KAZN: variants seen among roughly 807,000 people sequenced by gnomAD.
The protein encoded by KAZN is kazrin.
A neutral mutation model predicts 87.4 loss-of-function variants in KAZN; 40 were observed. The ratio of observed to expected loss-of-function variants is 0.46; its 90% CI spans 0.36 to 0.60. KAZN has a LOEUF of 0.60. Ranked by LOEUF, KAZN falls within the 20% of genes least tolerant of loss-of-function variation. The pLI is 0.00. For synonymous variants in KAZN, 466 were observed against 458.3 expected, an observed-to-expected ratio of 1.02 and a Z score of -0.22; for missense variants, 898 against 1,073.9, an observed-to-expected ratio of 0.84 and a Z score of 2.29.
At chr1:14,143,919 C>T (rs1570856984) in intron 1 of KAZN, among the ~76,000 whole-genome samples, 2 of 152,068 alleles carry the variant, frequency 1.3e-5, no homozygotes. Flanking sequence ...GGTATTACCA[C>T]GTTGGCCAGG....
chr1:14,895,317 TG>T (rs1277772626), intron 1 of KAZN, among the ~76,000 whole-genome samples: 1 of 152,260 alleles, frequency 6.6e-6, no homozygotes, highest in Non-Finnish European at 1.5e-5. Context: ...TGGGCAACTC[TG>T]CCAGCCAGGA....
chr1:14,443,900 A>G (rs1330509133), intron 2 of KAZN, among the ~76,000 whole-genome samples: 2 of 152,192 alleles, frequency 1.3e-5, no homozygotes, highest in Non-Finnish European at 2.9e-5. Flanking sequence ...GGCTTCGACT[A>G]TCCTTCAAGT....
intron 1 of KAZN, among the ~76,000 whole-genome samples, chr1:14,671,425 C>T (rs771176143): frequency 2.0e-5 from 3 of 152,170 alleles, no homozygotes; most frequent in East Asian, 1.9e-4. Context: ...TGCTGGGTCA[C>T]GTACTGGGGG....
intron 2 of KAZN, among the ~76,000 whole-genome samples, chr1:14,965,711 C>A (rs906278133): frequency 6.6e-6 from 1 of 152,100 alleles, no homozygotes; most frequent in African/African-American, 2.4e-5. Context: ...CATTATATAA[C>A]ACTGTCTTAA....
chr1:14,269,578 A>G (rs1651764504), intron 2 of KAZN, among the ~76,000 whole-genome samples: 1 of 152,170 alleles, frequency 6.6e-6, no homozygotes, highest in African/African-American at 2.4e-5. Context: ...ATTGGAAGAC[A>G]GTGGTAAAAA....
chr1:14,238,527 T>C (rs1000703645), intron 2 of KAZN, among the ~76,000 whole-genome samples: 4 of 152,226 alleles, frequency 2.6e-5, no homozygotes, highest in African/African-American at 9.6e-5. Flanking sequence ...GGTGGTCACA[T>C]ACCAACATGT....
At chr1:14,914,020 C>T (rs935961760) in intron 1 of KAZN, among the ~76,000 whole-genome samples, 2 of 152,238 alleles carry the variant, frequency 1.3e-5, no homozygotes, top group African/African-American at 2.4e-5. Context: ...TGCCTCCTTC[C>T]TCCCCACTCA....
intron 1 of KAZN, among the ~76,000 whole-genome samples, chr1:14,920,736 T>G (rs1277130129): frequency 6.6e-6 from 1 of 152,194 alleles, no homozygotes; most frequent in Non-Finnish European, 1.5e-5. Flanking sequence ...CGGGGCCCAG[T>G]GTGACCACAC....
In KAZN at chr1:14,840,292, A is replaced by T. The variant is rs562640232; in HGVS notation, c.227-120392A>T. On this transcript the variant is annotated intron_variant, in intron 1 of 14. Coordinates refer to ENST00000376030, the MANE Select transcript of KAZN (RefSeq NM_201628.3). ...TGGAAAGTCTGGGGTGGGGGATCTA[A>T]TCACACACAGAATAACTGGCAAATC... 6.6e-5 allele frequency among the ~76,000 whole-genome samples: 10 copies of T among 152,246 alleles called. No individual in the cohort carries two copies. In the East Asian group the frequency reaches 1.7e-3, roughly 26 times the overall value.
intron 12 of KAZN, 90 bp downstream of exon 12, chr1:15,103,550 A>C: frequency 1.2e-6 from 1 of 841,654 alleles, no homozygotes; most frequent in South Asian, 1.5e-5. Flanking sequence ...AATCACATGC[A>C]AATCAATATG....
chr1:14,724,081 T>C (rs1226264621), intron 1 of KAZN, among the ~76,000 whole-genome samples: 1 of 152,196 alleles, frequency 6.6e-6, no homozygotes, highest in Non-Finnish European at 1.5e-5. Flanking sequence ...ACGTGATTTT[T>C]CTTAAAAGCC....
chr1:14,013,816 A>G (rs1465885378), intron 1 of KAZN, among the ~76,000 whole-genome samples: 2 of 152,168 alleles, frequency 1.3e-5, no homozygotes, highest in African/African-American at 2.4e-5. Context: ...TCCTCTCTAG[A>G]GAGACAAGAT....
chr1:15,071,041 A>G (rs995992210), intron 8 of KAZN, among the ~76,000 whole-genome samples: 10 of 152,314 alleles, frequency 6.6e-5, no homozygotes, highest in Non-Finnish European at 1.2e-4. Flanking sequence ...AATAGGGAAC[A>G]TGTATCAGCT....
chr1:15,032,494 G>T (rs1477776661), intron 2 of KAZN, among the ~76,000 whole-genome samples: 1 of 151,946 alleles, frequency 6.6e-6, no homozygotes, highest in East Asian at 1.9e-4. Flanking sequence ...GCCCAGCTGT[G>T]GACATTTCAT....
At chr1:14,091,453 G>A (rs909045023) in intron 1 of KAZN, among the ~76,000 whole-genome samples, 2 of 152,104 alleles carry the variant, frequency 1.3e-5, no homozygotes, top group African/African-American at 4.8e-5. Flanking sequence ...GTGTGTGTGT[G>A]CATTCAGTTT....
intron 1 of KAZN, among the ~76,000 whole-genome samples, chr1:14,104,026 G>A (rs935343011): frequency 2.6e-5 from 4 of 152,212 alleles, no homozygotes; most frequent in African/African-American, 9.6e-5. Flanking sequence ...TGCCTGTGGA[G>A]GGTGTTGGGG....
chr1:14,032,783 A>G (rs765752784), intron 1 of KAZN, among the ~76,000 whole-genome samples: 1 of 152,142 alleles, frequency 6.6e-6, no homozygotes, highest in Non-Finnish European at 1.5e-5. Flanking sequence ...TGATAATGAA[A>G]ATCACTATGA....
chr1:14,506,783 G>A (rs999440409), intron 2 of KAZN, among the ~76,000 whole-genome samples: 1 of 152,190 alleles, frequency 6.6e-6, no homozygotes, highest in African/African-American at 2.4e-5. Flanking sequence ...AAATAAAACT[G>A]TGTGTATGTA....
At chr1:14,681,270 C>T (rs1374673639) in intron 1 of KAZN, among the ~76,000 whole-genome samples, 1 of 152,184 alleles carries the variant, frequency 6.6e-6, no homozygotes, top group Non-Finnish European at 1.5e-5. Flanking sequence ...TATTCATTCT[C>T]CTATTGATGG....
Sources: allele counts gnomAD v4.1 joint callset (sites outside exome capture counted in the v4.1 genomes callset), GRCh38; gene constraint gnomAD v4.1.1; transcripts MANE v1.5; gene names NCBI Gene and HGNC (gene_info 2026-07-23, HGNC 2026-07-21).